ELAPOR1: variants seen among roughly 807,000 people sequenced by gnomAD.
ELAPOR1 encodes the protein endosome-lysosome associated apoptosis and autophagy regulator 1.
ELAPOR1 carries 77 observed loss-of-function variants against 119.7 expected under a neutral mutation model. The ratio of observed to expected loss-of-function variants is 0.64; its 90% CI spans 0.54 to 0.78. The LOEUF (loss-of-function observed/expected upper bound fraction) is 0.78. ELAPOR1 is among the 30% of genes least tolerant of loss of function. The pLI, the probability that ELAPOR1 is intolerant of heterozygous loss-of-function variation, is 0.00. For synonymous variants in ELAPOR1, 481 were observed against 487.2 expected (o/e 0.99, Z 0.17); for missense variants, 1,115 against 1,270.4 (o/e 0.88, Z 1.86).
At chr1:109,170,824 T>C (rs147387754) in intron 3 of ELAPOR1, among the ~76,000 whole-genome samples, 5 of 152,214 alleles carry the variant, frequency 3.3e-5, no homozygotes, top group South Asian at 2.1e-4. Context: ...GGTTCATAGA[T>C]GGTGTGGTGG....
At chr1:109,129,698 G>T (rs1286804297) in intron 1 of ELAPOR1, among the ~76,000 whole-genome samples, 1 of 152,214 alleles carries the variant, frequency 6.6e-6, no homozygotes, top group Non-Finnish European at 1.5e-5. Flanking sequence ...TCATACCCCA[G>T]TTGGAGCTTC....
intron 7 of ELAPOR1, 37 bp from the exon 8 acceptor site, chr1:109,185,008 G>A: frequency 1.3e-6 from 2 of 1,547,674 alleles, no homozygotes. Context: ...GCTTTCTTAT[G>A]TAACTCCAAA....
intron 1 of ELAPOR1, among the ~76,000 whole-genome samples, chr1:109,139,001 G>A (rs963045439): frequency 2.0e-5 from 3 of 151,914 alleles, no homozygotes; most frequent in African/African-American, 7.3e-5. Context: ...CCCCTGTCCT[G>A]GCCCCCTAGT....
intron 3 of ELAPOR1, among the ~76,000 whole-genome samples, chr1:109,166,650 C>T (rs1169350774): frequency 6.6e-6 from 1 of 152,212 alleles, no homozygotes; most frequent in African/African-American, 2.4e-5. Flanking sequence ...ATCCGGTTTA[C>T]AGCCGGCGAG....
chr1:109,160,264 G>A (rs1050394191), intron 1 of ELAPOR1, among the ~76,000 whole-genome samples: 52 of 150,560 alleles, frequency 3.5e-4, no homozygotes, highest in African/African-American at 3.4e-4. Flanking sequence ...CCATCATCAC[G>A]CCACCGCACT....
At chr1:109,202,067 TC>T (rs1654203592) in intron 21 of ELAPOR1, among the ~76,000 whole-genome samples, 1 of 152,200 alleles carries the variant, frequency 6.6e-6, no homozygotes, top group African/African-American at 2.4e-5. Flanking sequence ...GCCATTGCAC[TC>T]CAGCCTGGGC....
At chr1:109,144,053 A>AT (rs869275387) in intron 1 of ELAPOR1, among the ~76,000 whole-genome samples, 5 of 89,776 alleles carry the variant, frequency 5.6e-5, no homozygotes, top group African/African-American at 2.1e-4. Flanking sequence ...ATATATATAT[A>AT]TTTATATATT....
chr1:109,190,052 G>T (rs1653333789), intron 11 of ELAPOR1, among the ~76,000 whole-genome samples: 1 of 152,160 alleles, frequency 6.6e-6, no homozygotes. Context: ...AGATTGGGAA[G>T]GATTATTCTT....
chr1:109,133,571 C>T (rs887317857), intron 1 of ELAPOR1, among the ~76,000 whole-genome samples: 6 of 152,090 alleles, frequency 3.9e-5, no homozygotes, highest in African/African-American at 1.4e-4. Context: ...ATATTATCTC[C>T]CAGTATCTAC....
intron 1 of ELAPOR1, among the ~76,000 whole-genome samples, chr1:109,146,110 G>A (rs1459856470): frequency 1.3e-5 from 2 of 151,990 alleles, no homozygotes; most frequent in African/African-American, 2.4e-5. Context: ...TCAGGAATTC[G>A]AGACCAGCCT....
At chr1:109,131,890 G>C (rs1374436636) in intron 1 of ELAPOR1, among the ~76,000 whole-genome samples, 1 of 152,266 alleles carries the variant, frequency 6.6e-6, no homozygotes, top group East Asian at 1.9e-4. Flanking sequence ...AGGTGGGAAT[G>C]TCAGGTTGTC....
Position 109,189,693 on chromosome 1 carries a change from C to T in ELAPOR1, c.1439+11C>T. On this transcript the variant is annotated intron_variant, in intron 11 of 21. Transcript: ENST00000369939. ...TGTGCCAGGATTTAGGTGAGGAATC[C>T]AAAGCCCAGGGGAGTCCAGGCCAGC... 2 of 1,610,730 alleles carry T rather than the reference C, an allele frequency of 1.2e-6. No homozygotes were observed. The highest frequency in any genetic ancestry group is 8.5e-7 in the Non-Finnish European group (1 of 1,177,050).
At position 109,205,330 on chromosome 1, in the gene ELAPOR1, C is replaced by CA. The variant is rs1312391250; in HGVS notation, c.*2322dup. The CA allele has an allele frequency of 6.6e-6, 1 of 152,242 alleles. No individual in the cohort carries two copies. Among genetic ancestry groups the CA allele is most frequent in the African/African-American group, 2.4e-5 (1 of 41,470 alleles). 9.4% of individuals were successfully genotyped at this position (152,242 alleles called of 1,614,324 possible). A position where few individuals can be genotyped will look rare whatever the true frequency, so the allele number is the denominator to read the frequency against. ...GCATTTGCAAGTGACTAGTCTGCCA[C>CA]AAAATGCTCATCTGATTAGCCACTG... On this transcript the variant is annotated 3_prime_UTR_variant, in exon 22 of 22. Transcript: ENST00000369939.
chr1:109,179,409 C>CAAAA (rs773712424), intron 7 of ELAPOR1, among the ~76,000 whole-genome samples: 1 of 50,450 alleles, frequency 2.0e-5, no homozygotes, highest in African/African-American at 7.4e-5. Flanking sequence ...ACTCTGTCTC[C>CAAAA]AAAAAAAAAA....
intron 7 of ELAPOR1, among the ~76,000 whole-genome samples, chr1:109,178,958 G>T (rs1163291733): frequency 2.6e-5 from 3 of 113,572 alleles, no homozygotes; most frequent in African/African-American, 3.8e-5. Flanking sequence ...GAATAATACT[G>T]TCTCAAAAAA....
intron 1 of ELAPOR1, among the ~76,000 whole-genome samples, chr1:109,150,220 C>G (rs1650443810): frequency 6.6e-6 from 1 of 152,178 alleles, no homozygotes; most frequent in South Asian, 2.1e-4. Context: ...ATGTCCATAG[C>G]TAAGCCAGTG....
At chr1:109,122,973 C>T (rs1448341738) in intron 1 of ELAPOR1, among the ~76,000 whole-genome samples, 1 of 152,142 alleles carries the variant, frequency 6.6e-6, no homozygotes, top group Non-Finnish European at 1.5e-5. Flanking sequence ...TTAGCTTTTG[C>T]TGTATAACAA....
intron 7 of ELAPOR1, among the ~76,000 whole-genome samples, chr1:109,184,595 T>C (rs1295751518): frequency 6.6e-6 from 1 of 152,228 alleles, no homozygotes; most frequent in Non-Finnish European, 1.5e-5. Context: ...ATGTTTTACT[T>C]CAACACTTCA....
At chr1:109,114,466 G>C in intron 1 of ELAPOR1, 130 bp downstream of exon 1, 1 of 1,137,046 alleles carries the variant, frequency 8.8e-7, no homozygotes, top group Non-Finnish European at 1.2e-6. Flanking sequence ...ATGAGGCGTG[G>C]GGGGAGGGAA....
Sources: allele counts gnomAD v4.1 joint callset (sites outside exome capture counted in the v4.1 genomes callset), GRCh38; gene constraint gnomAD v4.1.1; transcripts MANE v1.5; gene names NCBI Gene and HGNC (gene_info 2026-07-23, HGNC 2026-07-21).